MSRA: variants seen among roughly 807,000 people sequenced by gnomAD.
MSRA encodes mitochondrial peptide methionine sulfoxide reductase.
Under a neutral mutation model 31.3 loss-of-function variants are expected in MSRA, and 54 were observed. That is an observed-to-expected ratio of 1.73 (90% CI 1.39 to 2.17). The LOEUF (loss-of-function observed/expected upper bound fraction) is 2.17, where lower values mean the gene tolerates loss of function less well. Among genes scored for constraint, MSRA ranks in the 30% most tolerant of loss-of-function variants. The pLI is 0.00. For synonymous variants in MSRA, 169 were observed against 116.5 expected (o/e 1.45, Z -2.90); for missense variants, 507 against 300.9 (o/e 1.69, Z -5.07).
chr8:10,309,454 G>T, intron 4 of MSRA, among the ~76,000 whole-genome samples: 1 of 152,178 alleles, frequency 6.6e-6, no homozygotes, highest in Non-Finnish European at 1.5e-5. Context: ...GTGAATCCCA[G>T]TATTTGTCTG....
At chr8:10,245,054 C>G in intron 2 of MSRA, 50 bp from the exon 3 acceptor site, 4 of 1,589,188 alleles carry the variant, frequency 2.5e-6, no homozygotes, top group East Asian at 4.5e-5. Flanking sequence ...GCAATGACCA[C>G]TTTGTTTTGA....
chr8:10,414,879 C>T (rs533333730), intron 5 of MSRA, among the ~76,000 whole-genome samples: 1 of 152,310 alleles, frequency 6.6e-6, no homozygotes, highest in African/African-American at 2.4e-5. Context: ...ATTATAACCC[C>T]TCAGAGATCT....
At chr8:10,197,701 A>G (rs368797132) in intron 1 of MSRA, among the ~76,000 whole-genome samples, 1 of 152,124 alleles carries the variant, frequency 6.6e-6, no homozygotes, top group Non-Finnish European at 1.5e-5. Flanking sequence ...CTGCCTACAC[A>G]TGCCCACCTG....
At chr8:10,075,582 G>A (rs1210415695) in intron 1 of MSRA, among the ~76,000 whole-genome samples, 1 of 152,144 alleles carries the variant, frequency 6.6e-6, no homozygotes, top group Non-Finnish European at 1.5e-5. Flanking sequence ...CTCCCAGTAT[G>A]ACAGAAGAAA....
At chr8:10,297,417 A>G (rs1800604976) in intron 3 of MSRA, among the ~76,000 whole-genome samples, 2 of 152,208 alleles carry the variant, frequency 1.3e-5, no homozygotes, top group Admixed American at 6.5e-5. Context: ...CGTCACATCT[A>G]TCATGCTATG....
At chr8:10,268,543 C>T (rs553501580) in intron 3 of MSRA, among the ~76,000 whole-genome samples, 28 of 152,340 alleles carry the variant, frequency 1.8e-4, no homozygotes, top group Admixed American at 9.8e-4. Flanking sequence ...CTCTTCTCTC[C>T]CTATCATCTA....
intron 5 of MSRA, among the ~76,000 whole-genome samples, chr8:10,333,376 T>C (rs1802819959): frequency 6.6e-6 from 1 of 152,202 alleles, no homozygotes; most frequent in African/African-American, 2.4e-5. Context: ...CACAATTTCC[T>C]GAAGGTGATG....
At chr8:10,426,891 C>T (rs1032035275) in intron 5 of MSRA, among the ~76,000 whole-genome samples, 1 of 152,158 alleles carries the variant, frequency 6.6e-6, no homozygotes, top group Admixed American at 6.5e-5. Context: ...CTAACCCCTG[C>T]AAGAAAACTG....
chr8:10,352,171 G>T (rs994126943), intron 5 of MSRA, among the ~76,000 whole-genome samples: 14 of 152,212 alleles, frequency 9.2e-5, no homozygotes, highest in Admixed American at 9.2e-4. Context: ...GTCGTGAACA[G>T]AGTTGTGTCA....
intron 1 of MSRA, among the ~76,000 whole-genome samples, chr8:10,131,898 A>G (rs1801924707): frequency 6.6e-6 from 1 of 152,346 alleles, no homozygotes; most frequent in African/African-American, 2.4e-5. Flanking sequence ...ATTTTATTTA[A>G]TTTTCTTTTA....
intron 5 of MSRA, among the ~76,000 whole-genome samples, chr8:10,415,080 G>T (rs1279108746): frequency 6.6e-6 from 1 of 152,214 alleles, no homozygotes; most frequent in African/African-American, 2.4e-5. Context: ...CATCCTGCGG[G>T]TGGAGGGTGC....
chr8:10,338,240 A>G (rs1005793284), intron 5 of MSRA, among the ~76,000 whole-genome samples: 1 of 152,224 alleles, frequency 6.6e-6, no homozygotes, highest in African/African-American at 2.4e-5. Flanking sequence ...TGAGTGAAAT[A>G]AGGCAGGCAC....
intron 5 of MSRA, among the ~76,000 whole-genome samples, chr8:10,403,131 C>T (rs1363990787): frequency 6.6e-6 from 1 of 152,188 alleles, no homozygotes; most frequent in African/African-American, 2.4e-5. Context: ...AAATTATAAG[C>T]CACAGATTAA....
At chr8:10,384,151 C>T (rs1403923179) in intron 5 of MSRA, among the ~76,000 whole-genome samples, 1 of 152,180 alleles carries the variant, frequency 6.6e-6, no homozygotes, top group African/African-American at 2.4e-5. Context: ...TGACGGGTGA[C>T]GTATAGGGCT....
chr8:10,256,146 A>G (rs1484654108), intron 3 of MSRA, among the ~76,000 whole-genome samples: 1 of 151,348 alleles, frequency 6.6e-6, no homozygotes, highest in Non-Finnish European at 1.5e-5. Flanking sequence ...TCCCCCCCCA[A>G]CCCCTGGCAA....
At chr8:10,291,777 G>T (rs144975245) in intron 3 of MSRA, among the ~76,000 whole-genome samples, 7 of 152,122 alleles carry the variant, frequency 4.6e-5, no homozygotes, top group African/African-American at 1.7e-4. Flanking sequence ...GGAGGTTGAA[G>T]AATGGTTATT....
intron 3 of MSRA, among the ~76,000 whole-genome samples, chr8:10,268,019 T>A (rs536966890): frequency 2.0e-5 from 3 of 152,298 alleles, no homozygotes; most frequent in Admixed American, 2.0e-4. Flanking sequence ...AATGATGGCT[T>A]TGCTCCCTGC....
intron 1 of MSRA, among the ~76,000 whole-genome samples, chr8:10,167,054 G>T (rs916289415): frequency 6.6e-6 from 1 of 152,164 alleles, no homozygotes; most frequent in Non-Finnish European, 1.5e-5. Context: ...ATATCTTGGC[G>T]CTGGGCTAAT....
chr8:10,350,432 C>T (rs370694454), intron 5 of MSRA, among the ~76,000 whole-genome samples: 44 of 152,284 alleles, frequency 2.9e-4, no homozygotes, highest in African/African-American at 9.9e-4. Flanking sequence ...TGCTGGCTTC[C>T]GAAGGCATTT....
Sources: allele counts gnomAD v4.1 joint callset (sites outside exome capture counted in the v4.1 genomes callset), GRCh38; gene constraint gnomAD v4.1.1; transcripts MANE v1.5; gene names NCBI Gene and HGNC (gene_info 2026-07-23, HGNC 2026-07-21).